The following SDC4 variants were observed in gnomAD, a reference collection of about 807,000 sequenced individuals.
The protein encoded by SDC4 is syndecan-4.
In SDC4, 17 loss-of-function variants were observed where a neutral mutation model predicts 20.5. That is an observed-to-expected ratio of 0.83 (90% CI 0.57 to 1.25). The LOEUF is 1.25. SDC4 is among the 50% of genes most tolerant of loss of function. The pLI is 0.00. For missense variants in SDC4, 241 were observed against 252.3 expected (o/e 0.96, Z 0.30); for synonymous variants, 107 against 105.3 (o/e 1.02, Z -0.10).
At chr20:45,348,221 C>T in intron 1 of SDC4, 104 bp downstream of exon 1, 4 of 1,045,894 alleles carry the variant, frequency 3.8e-6, no homozygotes, top group Non-Finnish European at 5.7e-6. Flanking sequence ...TTGGGGGTAG[C>T]GTACCCCCGA....
chr20:45,347,206 C>T (rs1988044610), intron 1 of SDC4, among the ~76,000 whole-genome samples: 1 of 152,192 alleles, frequency 6.6e-6, no homozygotes, highest in African/African-American at 2.4e-5. Flanking sequence ...CAGAATCAAC[C>T]TTCCGCTAAG....
At chr20:45,340,161 C>G (rs527514359) in intron 1 of SDC4, among the ~76,000 whole-genome samples, 2 of 152,270 alleles carry the variant, frequency 1.3e-5, no homozygotes, top group Admixed American at 1.3e-4. Flanking sequence ...CATGAAGCTA[C>G]GAAAAGGTCC....
chr20:45,339,204 C>T (rs1350602408), intron 1 of SDC4, among the ~76,000 whole-genome samples: 1 of 152,202 alleles, frequency 6.6e-6, no homozygotes, highest in Non-Finnish European at 1.5e-5. Flanking sequence ...CTCTCCTCCG[C>T]CCTCTTTTCA....
chr20:45,335,264 A>G (rs903491136), intron 2 of SDC4, among the ~76,000 whole-genome samples: 1 of 151,450 alleles, frequency 6.6e-6, no homozygotes, highest in Admixed American at 6.6e-5. Context: ...TGCAGCCCCA[A>G]CCTCCTAGGC....
intron 1 of SDC4, among the ~76,000 whole-genome samples, chr20:45,339,419 T>G (rs1987922314): frequency 6.6e-6 from 1 of 152,260 alleles, no homozygotes; most frequent in Non-Finnish European, 1.5e-5. Flanking sequence ...TCTCCTTGTA[T>G]CTTTGTCCCT....
chr20:45,347,888 C>T (rs1024801268), intron 1 of SDC4, among the ~76,000 whole-genome samples: 1 of 152,034 alleles, frequency 6.6e-6, no homozygotes, highest in East Asian at 1.9e-4. Flanking sequence ...AAAACCCTCC[C>T]CCTTCCGAGT....
chr20:45,330,659 C>T, intron 3 of SDC4, 95 bp from the exon 4 acceptor site: 1 of 1,078,190 alleles, frequency 9.3e-7, no homozygotes, highest in South Asian at 1.4e-5. Context: ...GAATCTGGTT[C>T]TGCCATATTC....
chr20:45,332,304 C>A (rs191720397), intron 3 of SDC4, among the ~76,000 whole-genome samples: 150 of 152,010 alleles, frequency 9.9e-4, no homozygotes, highest in African/African-American at 3.5e-3. Flanking sequence ...GGACTACAGG[C>A]GCACGCCACT....
At chr20:45,331,112 C>T (rs1987771049) in intron 3 of SDC4, among the ~76,000 whole-genome samples, 1 of 152,150 alleles carries the variant, frequency 6.6e-6, no homozygotes, top group Admixed American at 6.5e-5. Flanking sequence ...GATCGGGACC[C>T]CTTTCTGGTA....
chr20:45,346,384 C>T (rs1382512763), intron 1 of SDC4, among the ~76,000 whole-genome samples: 1 of 152,178 alleles, frequency 6.6e-6, no homozygotes, highest in African/African-American at 2.4e-5. Flanking sequence ...GAAGCAGCTG[C>T]CCAGGGCTGA....
chr20:45,340,534 A>T (rs1377967993), intron 1 of SDC4, among the ~76,000 whole-genome samples: 1 of 152,218 alleles, frequency 6.6e-6, no homozygotes, highest in East Asian at 1.9e-4. Context: ...GCTCCAGGGC[A>T]ACCCTGTCCC....
At chr20:45,332,949 G>A (rs1987800918) in intron 3 of SDC4, 74 bp downstream of exon 3, 1 of 1,405,568 alleles carries the variant, frequency 7.1e-7, no homozygotes, top group Non-Finnish European at 1.0e-6. Flanking sequence ...TATGGGGGCT[G>A]TATTTTCTGC....
chr20:45,337,613 G>A (rs1250385242), intron 1 of SDC4, among the ~76,000 whole-genome samples: 2 of 152,254 alleles, frequency 1.3e-5, no homozygotes, highest in African/African-American at 4.8e-5. Flanking sequence ...GGGTGTCTGA[G>A]AAGGAACATC....
chr20:45,336,482 C>A (rs1240477478), intron 1 of SDC4, among the ~76,000 whole-genome samples: 1 of 152,172 alleles, frequency 6.6e-6, no homozygotes, highest in Non-Finnish European at 1.5e-5. Context: ...CTTTACCGAG[C>A]ACTTGCTATG....
At chr20:45,329,660 G>A (rs1357328499) in intron 4 of SDC4, among the ~76,000 whole-genome samples, 2 of 152,216 alleles carry the variant, frequency 1.3e-5, no homozygotes, top group Non-Finnish European at 2.9e-5. Flanking sequence ...TACCCAGCAT[G>A]GGCCCAGGGT....
intron 3 of SDC4, among the ~76,000 whole-genome samples, chr20:45,332,164 T>C (rs1173210001): frequency 3.4e-5 from 3 of 88,848 alleles, no homozygotes; most frequent in African/African-American, 1.2e-4. Flanking sequence ...TATATACTTT[T>C]TTTTTTTTTT....
intron 3 of SDC4, 85 bp from the exon 4 acceptor site, chr20:45,330,649 G>C: frequency 8.3e-7 from 1 of 1,207,862 alleles, no homozygotes; most frequent in Non-Finnish European, 1.2e-6. Flanking sequence ...GCCAGGCAGA[G>C]AATCTGGTTC....
Position 45,347,445 on chromosome 20 carries a change from G to C in SDC4, c.60+880C>G, listed in dbSNP as rs986093413. On this transcript the variant is annotated intron_variant, in intron 1 of 4. Transcript: ENST00000372733. ...GGCTGCGGGCATGGATAGAGCTTCTGCTGGCCCAGGGACAGCTATGACGGA... is the reference window on the plus strand; with the variant it reads ...GGCTGCGGGCATGGATAGAGCTTCTCCTGGCCCAGGGACAGCTATGACGGA... Among the ~76,000 whole-genome samples the C allele has an allele frequency of 9.0e-4, 137 of 152,182 alleles. 1 individual carries two copies. The highest frequency in any genetic ancestry group is 3.1e-3 in the African/African-American group (128 of 41,504).
At chr20:45,332,891 T>C (rs1987799628) in intron 3 of SDC4, 132 bp downstream of exon 3, 4 of 834,522 alleles carry the variant, frequency 4.8e-6, no homozygotes, top group Non-Finnish European at 7.5e-6. Flanking sequence ...GCCAGATTTT[T>C]AAAAAGCCTT....
Sources: allele counts gnomAD v4.1 joint callset (sites outside exome capture counted in the v4.1 genomes callset), GRCh38; gene constraint gnomAD v4.1.1; transcripts MANE v1.5; gene names NCBI Gene and HGNC (gene_info 2026-07-23, HGNC 2026-07-21).